The following GRIK3 variants were observed in gnomAD, a reference collection of about 807,000 sequenced individuals.
The protein encoded by GRIK3 is glutamate receptor ionotropic, kainate 3.
In GRIK3, 29 loss-of-function variants were observed where a neutral mutation model predicts 102.5. The ratio of observed to expected loss-of-function variants is 0.28; its 90% confidence interval spans 0.21 to 0.39. The LOEUF is 0.39. GRIK3 is among the 10% of genes least tolerant of loss of function. GRIK3 has a pLI of 1.00. For synonymous variants in GRIK3, 511 were observed against 504.9 expected, an observed-to-expected ratio of 1.01 and a Z score of -0.16; for missense variants, 908 against 1,252.4, an observed-to-expected ratio of 0.73 and a Z score of 4.15.
At chr1:36,844,524 C>T (rs1640498021) in intron 9 of GRIK3, among the ~76,000 whole-genome samples, 1 of 152,206 alleles carries the variant, frequency 6.6e-6, no homozygotes, top group South Asian at 2.1e-4. Flanking sequence ...CACCACTGCA[C>T]CTGGTGGCCC....
rs758476635 is a variant in GRIK3, at chr1:36,849,781, C to T, written c.1326+530G>A. 16 of 153,810 alleles carry T rather than the reference C, an allele frequency of 1.0e-4. No individual in the cohort carries two copies. In the East Asian group the frequency reaches 1.7e-3, roughly 17 times the overall value. The allele number at this position is 153,810 out of a possible 1,614,324, so 9.5% of individuals were successfully genotyped here. A position where few individuals can be genotyped will look rare whatever the true frequency, so the allele number is the denominator to read the frequency against. On this transcript the variant is annotated intron_variant, in intron 9 of 15. Coordinates refer to ENST00000373091, the MANE Select transcript of GRIK3 (RefSeq NM_000831.4). The stretch of plus-strand genomic sequence containing the variant: ...TGGTTTGAAACAGGTCAGGAGAAGG[C>T]GGTGCTATTCAGTTGGGGAATAGAG...
At chr1:36,962,883 C>CAAAAA (rs57315084) in intron 1 of GRIK3, among the ~76,000 whole-genome samples, 15 of 74,120 alleles carry the variant, frequency 2.0e-4, no homozygotes, top group African/African-American at 2.6e-4. Context: ...GACTCCCTCT[C>CAAAAA]AAAAAAAAAA....
intron 1 of GRIK3, among the ~76,000 whole-genome samples, chr1:36,914,968 A>G (rs1232692632): frequency 6.6e-6 from 1 of 152,218 alleles, no homozygotes; most frequent in African/African-American, 2.4e-5. Flanking sequence ...TGTTTCAAAT[A>G]AGGGATTCTG....
chr1:36,948,018 C>G (rs1641803534), intron 1 of GRIK3, among the ~76,000 whole-genome samples: 1 of 152,202 alleles, frequency 6.6e-6, no homozygotes, highest in Non-Finnish European at 1.5e-5. Flanking sequence ...ACTCCTTACC[C>G]CTGCCTCAGT....
At chr1:36,977,813 G>A (rs779730847) in intron 1 of GRIK3, among the ~76,000 whole-genome samples, 23 of 152,356 alleles carry the variant, frequency 1.5e-4, no homozygotes, top group Non-Finnish European at 2.6e-4. Flanking sequence ...CCAGAGCATT[G>A]AGAAGAGAAA....
chr1:36,905,975 A>G (rs1252400965), intron 1 of GRIK3, among the ~76,000 whole-genome samples: 1 of 152,186 alleles, frequency 6.6e-6, no homozygotes, highest in Non-Finnish European at 1.5e-5. Context: ...GAGAGGGGCC[A>G]TCATCTCAAC....
rs562280467 is a variant in GRIK3 at position 36,880,060 on chromosome 1, T to A, written c.550+574A>T. Reference sequence around the variant, plus strand: ...AGAAGAACCAACCTTCAGCGCTCACTGCATGTCAGTGCTTGTCACTGTCAT... The same window carrying A: ...AGAAGAACCAACCTTCAGCGCTCACAGCATGTCAGTGCTTGTCACTGTCAT... On this transcript the variant is annotated intron_variant, in intron 3 of 15. Coordinates refer to ENST00000373091, the MANE Select transcript of GRIK3 (RefSeq NM_000831.4). This position sits in a 1 kb window ranked among gnomAD's most constrained non-coding sequence, Gnocchi z 5.4. Among the ~76,000 whole-genome samples the A allele has an allele frequency of 9.0e-4, 137 of 152,304 alleles. 2 individuals carry two copies. Among genetic ancestry groups the A allele is most frequent in the African/African-American group, 3.3e-3 (137 of 41,560 alleles).
chr1:36,893,384 C>T (rs1641139225), intron 1 of GRIK3, among the ~76,000 whole-genome samples: 1 of 152,076 alleles, frequency 6.6e-6, no homozygotes, highest in Admixed American at 6.5e-5. Flanking sequence ...GAGTATGAAC[C>T]TTTAACAAAA....
rs1640849305 is a variant in GRIK3 at position 36,872,151 on chromosome 1, C to A, written c.732+37G>T. ...GGACGTGGGAGAAGTGGCCAGCAGA[C>A]CCCAGTCATCTGTCCCGGTGGCCAG... is the stretch of plus-strand genomic sequence containing the variant. On this transcript the variant is annotated intron_variant, in intron 4 of 15. Coordinates refer to ENST00000373091, the MANE Select transcript of GRIK3 (RefSeq NM_000831.4). The surrounding 1 kb of genome is among the most constrained non-coding windows in gnomAD (Gnocchi z 5.9). 1.4e-5 allele frequency: 21 copies of A among 1,519,788 alleles called. No individual in the cohort carries two copies. Among genetic ancestry groups the A allele is most frequent in the Non-Finnish European group, 1.7e-5 (19 of 1,127,214 alleles). The allele number at this position is 1,519,788 out of a possible 1,614,324, so 94.1% of individuals were successfully genotyped here.
At position 36,796,530 on chromosome 1, in the gene GRIK3, G is replaced by A. The variant is rs998282949; in HGVS notation, c.*5321C>T. Reference sequence around the variant, plus strand: ...CTTCTTCATGTCTGGAGGCCTCAGAGTTTCAATCCATAAAATGGAGACAAT... The same window carrying A: ...CTTCTTCATGTCTGGAGGCCTCAGAATTTCAATCCATAAAATGGAGACAAT... On this transcript the variant is annotated 3_prime_UTR_variant, in exon 16 of 16. Transcript: ENST00000373091. 2 of 152,324 alleles carry A rather than the reference G, an allele frequency of 1.3e-5. No homozygotes were observed. The highest frequency in any genetic ancestry group is 2.4e-5 in the African/African-American group (1 of 41,472). 9.4% of individuals were successfully genotyped at this position (152,324 alleles called of 1,614,324 possible).
At chr1:37,002,732 G>A (rs1394630043) in intron 1 of GRIK3, among the ~76,000 whole-genome samples, 1 of 148,560 alleles carries the variant, frequency 6.7e-6, no homozygotes, top group Non-Finnish European at 1.5e-5. Context: ...AGGCTGGAGT[G>A]CAGGGACACA....
At chr1:36,933,717 A>C (rs1464030341) in intron 1 of GRIK3, among the ~76,000 whole-genome samples, 1 of 152,178 alleles carries the variant, frequency 6.6e-6, no homozygotes, top group African/African-American at 2.4e-5. Flanking sequence ...TTCCAAGTTC[A>C]AGGACAGCAG....
intron 1 of GRIK3, among the ~76,000 whole-genome samples, chr1:37,013,130 TGA>T (rs1486886310): frequency 6.6e-6 from 1 of 152,044 alleles, no homozygotes; most frequent in Non-Finnish European, 1.5e-5. Flanking sequence ...CAAGAGAGAA[TGA>T]GAGCCAAGCA....
intron 1 of GRIK3, among the ~76,000 whole-genome samples, chr1:36,894,883 T>C (rs150357167): frequency 0.011 from 1,699 of 151,638 alleles, 26 homozygotes; most frequent in African/African-American, 0.04. Context: ...TTTCAAAATA[T>C]GCCAGAGCAT....
intron 1 of GRIK3, among the ~76,000 whole-genome samples, chr1:36,994,069 C>A (rs1045631279): frequency 2.0e-5 from 3 of 152,224 alleles, no homozygotes; most frequent in Non-Finnish European, 4.4e-5. Flanking sequence ...GGGGACCCAG[C>A]CCATGCATGG....
chr1:36,990,333 C>T (rs955763640), intron 1 of GRIK3, among the ~76,000 whole-genome samples: 3 of 152,206 alleles, frequency 2.0e-5, no homozygotes, highest in Non-Finnish European at 4.4e-5. Context: ...ATAGACATGT[C>T]TACCACTCCT....
At chr1:36,973,756 C>T (rs1199336730) in intron 1 of GRIK3, among the ~76,000 whole-genome samples, 1 of 152,034 alleles carries the variant, frequency 6.6e-6, no homozygotes, top group Non-Finnish European at 1.5e-5. Flanking sequence ...GGGAAAAACT[C>T]TCTCAAAGCA....
In GRIK3 at chr1:36,908,009, C is replaced by T. The variant is rs534173795; in HGVS notation, c.116-16913G>A. ...TAATAATGGGGCTCAAAAGACTGGG[C>T]GGTCCCTTGCTTCAGGGTGGGGACA... On this transcript the variant is annotated intron_variant, in intron 1 of 15. Transcript: ENST00000373091. Among the ~76,000 whole-genome samples, 12 of 152,252 alleles carry T rather than the reference C, an allele frequency of 7.9e-5. No individual in the cohort carries two copies. The South Asian group carries it at 8.3e-4, about 11-fold the overall frequency.
At chr1:36,991,573 A>T (rs189502330) in intron 1 of GRIK3, among the ~76,000 whole-genome samples, 1 of 152,208 alleles carries the variant, frequency 6.6e-6, no homozygotes, top group Non-Finnish European at 1.5e-5. Flanking sequence ...GTGAAAAGCA[A>T]CGTGCCTACC....
Sources: gnomAD v4.1 joint callset for allele counts (sites outside exome capture counted in the v4.1 genomes callset) on GRCh38, gnomAD v4.1.1 for gene constraint, Gnocchi (gnomAD v3.1) non-coding constraint, MANE v1.5 for transcripts, NCBI Gene and HGNC (gene_info 2026-07-23, HGNC 2026-07-21) for gene names.